NALF1: variants seen among roughly 807,000 people sequenced by gnomAD.
The protein encoded by NALF1 is NALCN channel auxiliary factor 1.
In NALF1, 3 loss-of-function variants were observed where a neutral mutation model predicts 48.4. The ratio of observed to expected loss-of-function variants is 0.06; its 90% CI spans 0.03 to 0.16. The LOEUF is 0.16. NALF1 is among the 10% of genes least tolerant of loss of function. The pLI is 1.00. For missense variants in NALF1, 526 were observed against 571.5 expected, an observed-to-expected ratio of 0.92 and a Z score of 0.81; for synonymous variants, 262 against 245.7, an observed-to-expected ratio of 1.07 and a Z score of -0.62.
At chr13:107,582,256 A>G (rs1433233302) in intron 1 of NALF1, among the ~76,000 whole-genome samples, 1 of 152,248 alleles carries the variant, frequency 6.6e-6, no homozygotes, top group Non-Finnish European at 1.5e-5. Context: ...ATAGGGCAGA[A>G]GCCTGGATAA....
chr13:107,467,373 T>A (rs1885022094), intron 1 of NALF1, among the ~76,000 whole-genome samples: 1 of 106,064 alleles, frequency 9.4e-6, no homozygotes, highest in South Asian at 3.2e-4. Flanking sequence ...ATTTTCTTAA[T>A]TTGAATTAAC....
chr13:107,845,001 A>G (rs548885690), intron 1 of NALF1, among the ~76,000 whole-genome samples: 86 of 152,322 alleles, frequency 5.6e-4, no homozygotes, highest in Non-Finnish European at 1.0e-3. Flanking sequence ...AGAATAAATA[A>G]GATTTAGAGT....
intron 1 of NALF1, among the ~76,000 whole-genome samples, chr13:107,771,981 C>A (rs758579060): frequency 6.6e-6 from 1 of 152,030 alleles, no homozygotes; most frequent in Non-Finnish European, 1.5e-5. Context: ...GTGATCTGCC[C>A]GCCTCGGCCT....
chr13:107,349,818 A>G (rs1210139819), intron 1 of NALF1, among the ~76,000 whole-genome samples: 1 of 151,320 alleles, frequency 6.6e-6, no homozygotes, highest in Non-Finnish European at 1.5e-5. Context: ...CCTCTGACCT[A>G]TTCAAGATTT....
At chr13:107,527,037 T>TA (rs1338957089) in intron 1 of NALF1, among the ~76,000 whole-genome samples, 1 of 152,198 alleles carries the variant, frequency 6.6e-6, no homozygotes, top group Non-Finnish European at 1.5e-5. Context: ...ATGATTCATA[T>TA]AAGCCCCAAT....
chr13:107,596,817 T>A (rs2138421539), intron 1 of NALF1, among the ~76,000 whole-genome samples: 1 of 152,304 alleles, frequency 6.6e-6, no homozygotes, highest in Admixed American at 6.5e-5. Flanking sequence ...GAACTTAAAG[T>A]ATAATATATG....
chr13:107,218,070 G>A (rs907601323), intron 1 of NALF1, among the ~76,000 whole-genome samples: 6 of 152,020 alleles, frequency 3.9e-5, no homozygotes, highest in Non-Finnish European at 7.4e-5. Flanking sequence ...ACTCCCACCC[G>A]GCACTCTGCT....
chr13:107,423,269 G>A (rs1325374269), intron 1 of NALF1, among the ~76,000 whole-genome samples: 4 of 152,164 alleles, frequency 2.6e-5, no homozygotes, highest in Non-Finnish European at 5.9e-5. Context: ...ACAGCTATTA[G>A]CACAGTCTGA....
chr13:107,207,753 A>T (rs1707580872), intron 2 of NALF1, among the ~76,000 whole-genome samples: 3 of 152,204 alleles, frequency 2.0e-5, no homozygotes, highest in Admixed American at 2.0e-4. Flanking sequence ...AGCTCAAGCA[A>T]TCCTGTCTCT....
At chr13:107,411,819 G>GT (rs1282449336) in intron 1 of NALF1, among the ~76,000 whole-genome samples, 1 of 152,128 alleles carries the variant, frequency 6.6e-6, no homozygotes, top group African/African-American at 2.4e-5. Flanking sequence ...CCAGGACCCG[G>GT]TAAATGGGAG....
At chr13:107,658,424 T>C (rs1320542861) in intron 1 of NALF1, among the ~76,000 whole-genome samples, 1 of 152,042 alleles carries the variant, frequency 6.6e-6, no homozygotes, top group African/African-American at 2.4e-5. Flanking sequence ...CTTAATAATA[T>C]CTACAATTCT....
chr13:107,745,072 C>T (rs150164460), intron 1 of NALF1, among the ~76,000 whole-genome samples: 1 of 152,272 alleles, frequency 6.6e-6, no homozygotes, highest in Non-Finnish European at 1.5e-5. Flanking sequence ...CAAACATGAT[C>T]GAATAGATAT....
intron 1 of NALF1, among the ~76,000 whole-genome samples, chr13:107,738,200 T>A (rs1876522649): frequency 6.6e-6 from 1 of 152,212 alleles, no homozygotes; most frequent in South Asian, 2.1e-4. Context: ...ATTAATAGGA[T>A]ATCCAGTTCA....
intron 1 of NALF1, among the ~76,000 whole-genome samples, chr13:107,593,818 GA>G (rs56053087): frequency 0.76 from 111,308 of 146,210 alleles, 42,391 homozygotes; most frequent in Middle Eastern, 0.82. Context: ...TTTTCAACAG[GA>G]AAAAAAAAAA....
chr13:107,664,313 C>T (rs1376331532), intron 1 of NALF1, among the ~76,000 whole-genome samples: 1 of 152,120 alleles, frequency 6.6e-6, no homozygotes, highest in East Asian at 1.9e-4. Context: ...CTTCTCATCA[C>T]CTTCCATCAC....
At chr13:107,232,190 T>TTAGG (rs1880241493) in intron 1 of NALF1, among the ~76,000 whole-genome samples, 1 of 152,180 alleles carries the variant, frequency 6.6e-6, no homozygotes, top group Non-Finnish European at 1.5e-5. Context: ...GCCAAGGTAA[T>TTAGG]TAGGTAGGTA....
intron 1 of NALF1, among the ~76,000 whole-genome samples, chr13:107,241,601 T>C (rs969494322): frequency 6.6e-6 from 1 of 152,178 alleles, no homozygotes; most frequent in African/African-American, 2.4e-5. Context: ...GCACTTCAGT[T>C]GCTGTGAGGA....
In NALF1 at chr13:107,592,168, CTTGTT is replaced by C. The variant is rs1172436554; in HGVS notation, c.915+273509_915+273513del. 3.3e-5 allele frequency among the ~76,000 whole-genome samples: 5 copies of C among 151,940 alleles called. No individual in the cohort carries two copies. In the South Asian group the frequency reaches 1.0e-3, roughly 32 times the overall value. On this transcript the variant is annotated intron_variant, in intron 1 of 2. Coordinates refer to ENST00000375915, the MANE Select transcript of NALF1 (RefSeq NM_001080396.3). ...ATGTAGCTAAAAATATTCTTAATGA[CTTGTT>C]AGACTCTCTCAAATAAATAATTTAA...
chr13:107,323,616 G>C (rs1459333677), intron 1 of NALF1, among the ~76,000 whole-genome samples: 1 of 152,080 alleles, frequency 6.6e-6, no homozygotes, highest in Non-Finnish European at 1.5e-5. Context: ...CAGACTGTGA[G>C]GGATGAAATG....
Sources: gnomAD v4.1 joint callset for allele counts (sites outside exome capture counted in the v4.1 genomes callset) on GRCh38, gnomAD v4.1.1 for gene constraint, MANE v1.5 for transcripts, NCBI Gene and HGNC (gene_info 2026-07-23, HGNC 2026-07-21) for gene names.